Variants in TBC1D1 observed in about 807,000 individuals in gnomAD.
The protein encoded by TBC1D1 is TBC1 domain family member 1.
A neutral mutation model predicts 125.6 loss-of-function variants in TBC1D1; 89 were observed. The observed-to-expected ratio is 0.71, with a 90% confidence interval of 0.60 to 0.85. TBC1D1 has a LOEUF of 0.85. TBC1D1 is among the 40% of genes least tolerant of loss of function. The pLI, the probability that TBC1D1 is intolerant of heterozygous loss-of-function variation, is 0.00. For missense variants in TBC1D1, 1,377 were observed against 1,469.2 expected (o/e 0.94, Z 1.03); for synonymous variants, 565 against 564.1 (o/e 1.00, Z -0.02).
At chr4:37,925,615 G>A (rs1480410535) in intron 2 of TBC1D1, among the ~76,000 whole-genome samples, 2 of 150,392 alleles carry the variant, frequency 1.3e-5, no homozygotes, top group Non-Finnish European at 3.0e-5. Flanking sequence ...ACTTAGGAGC[G>A]GAGGTTGCAG....
intron 14 of TBC1D1, among the ~76,000 whole-genome samples, chr4:38,098,342 G>A (rs1389837826): frequency 1.3e-5 from 2 of 152,222 alleles, no homozygotes; most frequent in Non-Finnish European, 2.9e-5. Flanking sequence ...ATCACCTTCA[G>A]GTGTCTTTGC....
At chr4:37,991,820 C>T (rs1337361840) in intron 2 of TBC1D1, among the ~76,000 whole-genome samples, 1 of 152,260 alleles carries the variant, frequency 6.6e-6, no homozygotes, top group South Asian at 2.1e-4. Flanking sequence ...ATTCCAGCCT[C>T]CTGTGGCTGC....
At chr4:38,119,954 G>A (rs1030506098) in intron 17 of TBC1D1, 1 of 985,288 alleles carries the variant, frequency 1.0e-6, no homozygotes, top group African/African-American at 1.7e-5. Flanking sequence ...GGCTCTGGAA[G>A]AGAAATTTTT....
At chr4:38,106,861 C>T (rs1205434572) in intron 15 of TBC1D1, among the ~76,000 whole-genome samples, 1 of 152,172 alleles carries the variant, frequency 6.6e-6, no homozygotes, top group African/African-American at 2.4e-5. Context: ...GCCTCCCCTG[C>T]AGGGCTCAGG....
At position 37,993,771 on chromosome 4, in the gene TBC1D1, G is replaced by A. The variant is rs543602642; in HGVS notation, c.418-20738G>A. On this transcript the variant is annotated intron_variant, in intron 2 of 19. Coordinates refer to ENST00000261439, the MANE Select transcript of TBC1D1 (RefSeq NM_015173.4). ...TAATTTTTGTATTTTTAGTAGAGAC[G>A]GGGTTTCACCATGTTGGCCAGGCTG... Among the ~76,000 whole-genome samples, 9 of 152,214 alleles carry A rather than the reference G, an allele frequency of 5.9e-5. No homozygotes were observed. In the South Asian group the frequency reaches 1.2e-3, roughly 21 times the overall value.
intron 2 of TBC1D1, among the ~76,000 whole-genome samples, chr4:37,951,318 G>A (rs552351360): frequency 5.9e-5 from 9 of 152,236 alleles, no homozygotes; most frequent in Admixed American, 3.9e-4. Context: ...GATTGGTCCC[G>A]AGCTGACACT....
intron 2 of TBC1D1, among the ~76,000 whole-genome samples, chr4:37,909,254 T>TGA (rs1718027297): frequency 6.6e-6 from 1 of 152,168 alleles, no homozygotes; most frequent in African/African-American, 2.4e-5. Flanking sequence ...TCTGAAGCTG[T>TGA]TTTCTTGTGA....
In TBC1D1 at chr4:38,137,256, T is replaced by C. The variant is rs553165101; in HGVS notation, c.3428T>C (p.Val1143Ala). ...GAGCGGTCGGCCCTGCTGCAGACGG[T>C]GGAGGAGCTGCGGCGGCGGAGCGCA... Residue 1143 changes from valine to alanine, a missense_variant, in exon 20 of 20, where the codon GTG becomes GCG. Val to Ala is a moderately conservative substitution (Grantham distance 64, BLOSUM62 0). Transcript: ENST00000261439. 10 of 1,611,898 alleles carry C rather than the reference T, an allele frequency of 6.2e-6. No homozygotes were observed. The highest frequency in any genetic ancestry group is 8.5e-6 in the Non-Finnish European group (10 of 1,179,968).
In TBC1D1 at chr4:38,137,340, T is replaced by G. The variant is rs745898465; in HGVS notation, c.*5T>G. The G allele has an allele frequency of 6.2e-7, 1 of 1,609,228 alleles. No individual in the cohort carries two copies. Among genetic ancestry groups the G allele is most frequent in the Admixed American group, 1.7e-5 (1 of 59,818 alleles). On this transcript the variant is annotated 3_prime_UTR_variant, in exon 20 of 20. Transcript: ENST00000261439. The stretch of plus-strand genomic sequence containing the variant: ...CCCGAGCCCACGGGCGACTGACAGC[T>G]CTGCAGGAGAGATTGCAACACCATC...
At chr4:37,986,538 C>T (rs372925239) in intron 2 of TBC1D1, among the ~76,000 whole-genome samples, 25 of 152,218 alleles carry the variant, frequency 1.6e-4, no homozygotes, top group Middle Eastern at 3.4e-3. Context: ...CTCTGCCTTC[C>T]GGGGTCAAGT....
At chr4:38,016,362 C>T (rs1039381510) in intron 3 of TBC1D1, among the ~76,000 whole-genome samples, 1 of 152,216 alleles carries the variant, frequency 6.6e-6, no homozygotes, top group African/African-American at 2.4e-5. Flanking sequence ...TGCCTGGTGC[C>T]TGGAGAATCC....
At chr4:37,972,211 G>A (rs112321555) in intron 2 of TBC1D1, among the ~76,000 whole-genome samples, 62 of 133,368 alleles carry the variant, frequency 4.6e-4, no homozygotes, top group Admixed American at 8.2e-4. Flanking sequence ...GGCTGGGTGC[G>A]GTGGTTCATG....
At chr4:38,132,675 G>GA (rs1765783019) in intron 18 of TBC1D1, 1 of 149,710 alleles carries the variant, frequency 6.7e-6, no homozygotes, top group Non-Finnish European at 1.5e-5. Flanking sequence ...TCTGCAAACA[G>GA]GCTATGATTC....
intron 2 of TBC1D1, among the ~76,000 whole-genome samples, chr4:37,999,311 C>T (rs1167637235): frequency 6.6e-6 from 1 of 152,036 alleles, no homozygotes; most frequent in Non-Finnish European, 1.5e-5. Flanking sequence ...TCATGTTTAA[C>T]CTACATGTTG....
chr4:38,097,340 GTT>G (rs71658757), intron 14 of TBC1D1, among the ~76,000 whole-genome samples: 13 of 122,096 alleles, frequency 1.1e-4, no homozygotes, highest in Non-Finnish European at 1.7e-4. Context: ...TTTTTTGTGG[GTT>G]TTTTTTTTTT....
At chr4:38,057,025 C>T (rs1417282034) in intron 12 of TBC1D1, among the ~76,000 whole-genome samples, 1 of 152,130 alleles carries the variant, frequency 6.6e-6, no homozygotes, top group South Asian at 2.1e-4. Context: ...CAGGGCCTGG[C>T]ATAGATGCTG....
intron 3 of TBC1D1, among the ~76,000 whole-genome samples, chr4:38,017,474 C>T (rs1371308341): frequency 6.6e-6 from 1 of 152,220 alleles, no homozygotes; most frequent in Non-Finnish European, 1.5e-5. Context: ...AAAAACAATT[C>T]AGAATGCAAA....
At chr4:37,999,618 G>A (rs184248468) in intron 2 of TBC1D1, among the ~76,000 whole-genome samples, 160 of 152,220 alleles carry the variant, frequency 1.1e-3, no homozygotes, top group Non-Finnish European at 1.9e-3. Context: ...TGGGGGGAGG[G>A]AGGGGAGGAG....
chr4:37,944,026 T>C (rs1726126560), intron 2 of TBC1D1, among the ~76,000 whole-genome samples: 2 of 152,238 alleles, frequency 1.3e-5, no homozygotes, highest in Non-Finnish European at 2.9e-5. Flanking sequence ...GTGGATGTCC[T>C]TTCTGTTCAT....
Sources: gnomAD v4.1 joint callset for allele counts (sites outside exome capture counted in the v4.1 genomes callset) on GRCh38, gnomAD v4.1.1 for gene constraint, MANE v1.5 for transcripts, NCBI Gene and HGNC (gene_info 2026-07-23, HGNC 2026-07-21) for gene names.